The following ADAMTS9 variants were observed in gnomAD, a reference collection of about 807,000 sequenced individuals.
ADAMTS9 encodes the protein A disintegrin and metalloproteinase with thrombospondin motifs 9.
Under a neutral mutation model 257.1 loss-of-function variants are expected in ADAMTS9, and 107 were observed. The observed-to-expected ratio is 0.42, with a 90% confidence interval of 0.36 to 0.49. The LOEUF (loss-of-function observed/expected upper bound fraction) is 0.49, where lower values mean the gene tolerates loss of function less well. Ranked by LOEUF, ADAMTS9 falls within the 20% of genes least tolerant of loss-of-function variation. ADAMTS9 has a pLI of 0.03. For synonymous variants in ADAMTS9, 982 were observed against 880.9 expected (o/e 1.11, Z -2.03); for missense variants, 2,353 against 2,469.1 (o/e 0.95, Z 1.00).
At chr3:64,668,968 T>TA (rs1375807326) in intron 3 of ADAMTS9, among the ~76,000 whole-genome samples, 2 of 152,134 alleles carry the variant, frequency 1.3e-5, no homozygotes, top group African/African-American at 4.8e-5. Context: ...GACTGGTTTA[T>TA]AAGGCCTGCA....
rs750539669 is a variant in ADAMTS9, at chr3:64,658,737, C to T, written c.734G>A (p.Gly245Glu). ...GTCACCAGCCAGGTTAATCCTTTCT[C>T]CCCATTTTCTTGCTCTGGTTTTCTT... ...DKKKTRARKW[G>E]ERINLAGDVA... Residue 245 changes from glycine to glutamate, a missense_variant, in exon 4 of 40, where the codon GGA (glycine) becomes GAA (glutamate). By Grantham distance (98) the Gly-to-Glu change is moderately conservative. This residue lies in a region of ADAMTS9 where 591 missense variants were observed against 569.6 expected (regional missense o/e 1.04). Coordinates refer to ENST00000498707, the MANE Select transcript of ADAMTS9 (RefSeq NM_182920.2). The T allele has an allele frequency of 6.2e-7, 1 of 1,614,162 alleles. No homozygotes were observed. Among genetic ancestry groups the T allele is most frequent in the Non-Finnish European group, 8.5e-7 (1 of 1,180,016 alleles).
intron 3 of ADAMTS9, among the ~76,000 whole-genome samples, chr3:64,667,450 T>A (rs909677055): frequency 6.6e-6 from 1 of 152,082 alleles, no homozygotes; most frequent in Non-Finnish European, 1.5e-5. Flanking sequence ...GTGGGATGTG[T>A]GGATGGGCTT....
intron 39 of ADAMTS9, among the ~76,000 whole-genome samples, chr3:64,520,847 G>C (rs2082843128): frequency 6.6e-6 from 1 of 152,016 alleles, no homozygotes; most frequent in Non-Finnish European, 1.5e-5. Flanking sequence ...AAAAATTCTA[G>C]AAGAAAACCC....
chr3:64,552,987 A>C (rs2083288837), intron 30 of ADAMTS9, among the ~76,000 whole-genome samples: 1 of 150,084 alleles, frequency 6.7e-6, no homozygotes, highest in African/African-American at 2.4e-5. Flanking sequence ...TATGTTTGGA[A>C]CTCAGCTTCA....
chr3:64,627,812 GA>G (rs918444677), intron 16 of ADAMTS9, among the ~76,000 whole-genome samples: 3 of 151,758 alleles, frequency 2.0e-5, no homozygotes, highest in Non-Finnish European at 2.9e-5. Context: ...GGCTGACACT[GA>G]AAAAAAACAT....
chr3:64,537,477 G>C (rs1312781232), intron 37 of ADAMTS9, among the ~76,000 whole-genome samples: 1 of 152,102 alleles, frequency 6.6e-6, no homozygotes, highest in Non-Finnish European at 1.5e-5. Flanking sequence ...TGGAAGAAAG[G>C]CTCTTTTTAC....
At chr3:64,596,784 G>A in intron 27 of ADAMTS9, 46 bp downstream of exon 27, 3 of 1,606,376 alleles carry the variant, frequency 1.9e-6, no homozygotes, top group Non-Finnish European at 2.6e-6. Flanking sequence ...ATACAGTTTG[G>A]TTAACACAAT....
intron 23 of ADAMTS9, among the ~76,000 whole-genome samples, chr3:64,605,200 G>T (rs1326573853): frequency 2.0e-5 from 3 of 152,076 alleles, no homozygotes; most frequent in African/African-American, 4.8e-5. Context: ...CAAAGTGAAG[G>T]AATTATTCAC....
chr3:64,561,823 T>C (rs1399612204), intron 29 of ADAMTS9, 72 bp from the exon 30 acceptor site: 1 of 1,385,564 alleles, frequency 7.2e-7, no homozygotes, highest in Non-Finnish European at 1.0e-6. Flanking sequence ...GTGTCGAGGG[T>C]CACAGAGGAG....
chr3:64,551,632 CT>C (rs1188200305), intron 30 of ADAMTS9, among the ~76,000 whole-genome samples: 5 of 152,154 alleles, frequency 3.3e-5, no homozygotes, highest in South Asian at 2.1e-4. Context: ...ACCTTAAATC[CT>C]ATTTACTTCA....
intron 11 of ADAMTS9, among the ~76,000 whole-genome samples, chr3:64,643,697 T>G (rs948063999): frequency 1.4e-4 from 21 of 151,916 alleles, no homozygotes; most frequent in Non-Finnish European, 8.8e-5. Flanking sequence ...ACTCCTAGAC[T>G]CAAGCAATCT....
At chr3:64,666,486 G>C (rs1701356450) in intron 3 of ADAMTS9, among the ~76,000 whole-genome samples, 1 of 152,202 alleles carries the variant, frequency 6.6e-6, no homozygotes, top group South Asian at 2.1e-4. Context: ...TTGACAGAGA[G>C]AAGGAAGTCT....
chr3:64,562,104 A>G (rs2083437036), intron 29 of ADAMTS9, among the ~76,000 whole-genome samples: 1 of 152,208 alleles, frequency 6.6e-6, no homozygotes, highest in Admixed American at 6.5e-5. Context: ...AATGATTTCT[A>G]TCCTGGAGGA....
rs750022681 is a variant in ADAMTS9 at position 64,594,355 on chromosome 3, A to G, written c.4259T>C (p.Leu1420Ser). The G allele has an allele frequency of 3.1e-6, 5 of 1,613,980 alleles. No individual in the cohort carries two copies. Among genetic ancestry groups the G allele is most frequent in the Admixed American group, 3.3e-5 (2 of 60,018 alleles). ...AGGTTTATCAAGAATTTCACAGCTCAAATCTGGAAACCGTTCACCGTTGGA... is the reference window on the plus strand; with the variant it reads ...AGGTTTATCAAGAATTTCACAGCTCGAATCTGGAAACCGTTCACCGTTGGA... ...QRSNGERFPD[L>S]SCEILDKPPD... Residue 1420 changes from leucine to serine, a missense_variant, in exon 28 of 40, where the codon TTG becomes TCG. Leu to Ser is a moderately radical substitution (Grantham distance 145, BLOSUM62 -2). Transcript: ENST00000498707.
chr3:64,679,099 T>C (rs1701693559), intron 3 of ADAMTS9, among the ~76,000 whole-genome samples: 1 of 152,202 alleles, frequency 6.6e-6, no homozygotes, highest in Non-Finnish European at 1.5e-5. Context: ...CTAACGCATC[T>C]TCATTGTCTT....
chr3:64,623,590 A>G (rs1700158623), intron 16 of ADAMTS9, among the ~76,000 whole-genome samples: 1 of 152,222 alleles, frequency 6.6e-6, no homozygotes, highest in Non-Finnish European at 1.5e-5. Flanking sequence ...GTTCTAAGCC[A>G]CTATGTCCTG....
intron 22 of ADAMTS9, among the ~76,000 whole-genome samples, chr3:64,607,957 A>G (rs1469954179): frequency 6.6e-6 from 1 of 152,190 alleles, no homozygotes; most frequent in African/African-American, 2.4e-5. Context: ...GGAGTGAGGC[A>G]AGAAATCGGT....
intron 3 of ADAMTS9, among the ~76,000 whole-genome samples, chr3:64,679,880 A>C (rs1004283795): frequency 2.1e-4 from 32 of 152,184 alleles, no homozygotes; most frequent in Admixed American, 1.4e-3. Context: ...TTGACTGTAT[A>C]CCTGCTGCTG....
rs770655319 is a variant in ADAMTS9 at position 64,546,815 on chromosome 3, G to C, written c.5007C>G (p.Pro1669=). 5.6e-6 allele frequency: 9 copies of C among 1,613,830 alleles called. No individual in the cohort carries two copies. The highest frequency in any genetic ancestry group is 6.8e-6 in the Non-Finnish European group (8 of 1,179,924). Reference sequence around the variant, plus strand: ...AGACAGGGCAGTCCCTCAGGTAACAGGGGTGAACACTGGGGGGCTGCGTGC... The same window carrying C: ...AGACAGGGCAGTCCCTCAGGTAACACGGGTGAACACTGGGGGGCTGCGTGC... The part of the protein sequence containing the change: ...CPGTQPPSVH[P]CYLRDCPVSA... The change falls in exon 32 of 40, where the codon CCC becomes CCG. Residue 1669 remains proline, a synonymous_variant. Transcript: ENST00000498707.
Sources: gnomAD v4.1 joint callset for allele counts (sites outside exome capture counted in the v4.1 genomes callset) on GRCh38, gnomAD v4.1.1 for gene constraint, gnomAD v4.1.1 regional missense constraint, MANE v1.5 for transcripts, NCBI Gene and HGNC (gene_info 2026-07-23, HGNC 2026-07-21) for gene names.